Variants in ADAMTS17 observed in about 807,000 individuals in gnomAD.
The protein encoded by ADAMTS17 is ADAM metallopeptidase with thrombospondin type 1 motif 17, also known as A disintegrin and metalloproteinase with thrombospondin motifs 17.
Under a neutral mutation model 141.5 loss-of-function variants are expected in ADAMTS17, and 113 were observed. The ratio of observed to expected loss-of-function variants is 0.80; its 90% CI spans 0.69 to 0.93. ADAMTS17 has a LOEUF of 0.93. Among genes scored for constraint, ADAMTS17 ranks in the 40% least tolerant of loss-of-function variants. The pLI, the probability that ADAMTS17 is intolerant of heterozygous loss-of-function variation, is 0.00. For missense variants in ADAMTS17, 1,659 were observed against 1,517.9 expected (o/e 1.09, Z -1.54); for synonymous variants, 768 against 630.6 (o/e 1.22, Z -3.27).
chr15:99,978,162 C>T (rs1030235968), intron 20 of ADAMTS17, among the ~76,000 whole-genome samples: 12 of 152,184 alleles, frequency 7.9e-5, no homozygotes, highest in East Asian at 5.8e-4. Context: ...GGGGGTCATG[C>T]GGAGTCTCCA....
At chr15:100,082,588 A>G (rs908046424) in intron 15 of ADAMTS17, among the ~76,000 whole-genome samples, 4 of 151,826 alleles carry the variant, frequency 2.6e-5, no homozygotes, top group South Asian at 2.1e-4. Flanking sequence ...GGGTTTCGCC[A>G]TGTTGCTCAG....
At chr15:100,194,601 G>T (rs959381028) in intron 8 of ADAMTS17, among the ~76,000 whole-genome samples, 1 of 152,072 alleles carries the variant, frequency 6.6e-6, no homozygotes, top group African/African-American at 2.4e-5. Flanking sequence ...CATCATCAGG[G>T]GTCAGTCCTT....
intron 14 of ADAMTS17, among the ~76,000 whole-genome samples, chr15:100,107,915 C>T (rs985247426): frequency 2.0e-5 from 3 of 152,150 alleles, no homozygotes; most frequent in Non-Finnish European, 1.5e-5. Context: ...CCCAGCTTGA[C>T]CCGAGTCACC....
At chr15:100,260,165 G>A (rs1205986342) in intron 6 of ADAMTS17, among the ~76,000 whole-genome samples, 4 of 152,144 alleles carry the variant, frequency 2.6e-5, no homozygotes, top group Non-Finnish European at 5.9e-5. Flanking sequence ...TTTTTGAAAG[G>A]AACGAAAGCT....
At chr15:100,150,655 C>G (rs747775374) in intron 10 of ADAMTS17, among the ~76,000 whole-genome samples, 1 of 152,146 alleles carries the variant, frequency 6.6e-6, no homozygotes, top group Non-Finnish European at 1.5e-5. Context: ...TCTCATGGAG[C>G]AGGCAGTCTC....
chr15:100,334,317 T>C (rs2046142588), intron 2 of ADAMTS17, among the ~76,000 whole-genome samples: 2 of 152,186 alleles, frequency 1.3e-5, no homozygotes, highest in Admixed American at 1.3e-4. Flanking sequence ...CATGCCTCTG[T>C]GGGAGGGGAC....
In ADAMTS17 at chr15:100,194,689, CTT is replaced by C; in HGVS notation, c.1181+4627_1181+4628del. On this transcript the variant is annotated intron_variant, in intron 8 of 21. Transcript: ENST00000268070. ...CAAATGCTTACTTCTGGATTTTCCT[CTT>C]TCTCTTTAAAACCAAATTGTGATCG... 2.0e-5 allele frequency among the ~76,000 whole-genome samples: 3 copies of C among 152,278 alleles called. No individual in the cohort carries two copies. In the South Asian group the frequency reaches 6.2e-4, roughly 32 times the overall value.
intron 13 of ADAMTS17, among the ~76,000 whole-genome samples, chr15:100,110,547 A>G (rs1198384414): frequency 3.3e-5 from 5 of 152,006 alleles, no homozygotes; most frequent in African/African-American, 1.2e-4. Context: ...TATAGAAGTG[A>G]GCCACCGCGC....
At chr15:100,066,086 T>C (rs1295690438) in intron 15 of ADAMTS17, among the ~76,000 whole-genome samples, 2 of 152,204 alleles carry the variant, frequency 1.3e-5, no homozygotes, top group East Asian at 3.8e-4. Context: ...TAGTATTCCA[T>C]GGTGTACATG....
chr15:100,239,404 G>A (rs1596339428), intron 7 of ADAMTS17, among the ~76,000 whole-genome samples: 1 of 152,184 alleles, frequency 6.6e-6, no homozygotes, highest in Admixed American at 6.5e-5. Context: ...ACTGGTGCAG[G>A]GATACCGCAG....
intron 4 of ADAMTS17, 28 bp downstream of exon 4, chr15:100,281,201 C>A (rs1025760757): frequency 2.5e-6 from 4 of 1,600,620 alleles, no homozygotes; most frequent in Admixed American, 1.7e-5. Flanking sequence ...CAGAGCCCCC[C>A]ACATCAGGAC....
At chr15:99,980,546 AGATG>A (rs1160008835) in intron 20 of ADAMTS17, 1 of 152,244 alleles carries the variant, frequency 6.6e-6, no homozygotes, top group Non-Finnish European at 1.5e-5. Context: ...GAAACTGCAC[AGATG>A]GATGGAGGAA....
intron 8 of ADAMTS17, among the ~76,000 whole-genome samples, chr15:100,183,928 G>C (rs1179786893): frequency 6.6e-6 from 1 of 152,212 alleles, no homozygotes; most frequent in Non-Finnish European, 1.5e-5. Context: ...CTGTGGGGGT[G>C]AAAGGCACTT....
intron 15 of ADAMTS17, among the ~76,000 whole-genome samples, chr15:100,068,945 G>A (rs112374852): frequency 5.3e-5 from 8 of 152,138 alleles, no homozygotes; most frequent in East Asian, 3.9e-4. Context: ...AAACTACTCC[G>A]AGCTAAAGGA....
intron 3 of ADAMTS17, among the ~76,000 whole-genome samples, chr15:100,305,205 A>G (rs1363300588): frequency 6.6e-6 from 1 of 152,126 alleles, no homozygotes; most frequent in East Asian, 1.9e-4. Context: ...AAAACACCTT[A>G]TAAAGCTTAT....
At chr15:100,112,971 T>G (rs2036883446) in intron 13 of ADAMTS17, among the ~76,000 whole-genome samples, 1 of 152,088 alleles carries the variant, frequency 6.6e-6, no homozygotes, top group Non-Finnish European at 1.5e-5. Flanking sequence ...AGTTAGAAGG[T>G]CTTAGTATGG....
chr15:100,054,189 C>A, intron 15 of ADAMTS17, 135 bp from the exon 16 acceptor site: 1 of 955,580 alleles, frequency 1.0e-6, no homozygotes, highest in Middle Eastern at 2.7e-4. Context: ...AGGCCTGAAG[C>A]GAGAGAAGGC....
intron 15 of ADAMTS17, among the ~76,000 whole-genome samples, chr15:100,088,037 G>A (rs1345409105): frequency 6.6e-6 from 1 of 152,196 alleles, no homozygotes; most frequent in East Asian, 1.9e-4. Context: ...TAGGAAAAGA[G>A]GAAGTCAAAT....
intron 10 of ADAMTS17, among the ~76,000 whole-genome samples, chr15:100,147,549 C>T (rs1358663585): frequency 6.6e-6 from 1 of 152,108 alleles, no homozygotes; most frequent in African/African-American, 2.4e-5. Flanking sequence ...TGTATCTAAA[C>T]ATCGAAAAGG....
Sources: gnomAD v4.1 joint callset for allele counts (sites outside exome capture counted in the v4.1 genomes callset) on GRCh38, gnomAD v4.1.1 for gene constraint, MANE v1.5 for transcripts, NCBI Gene and HGNC (gene_info 2026-07-23, HGNC 2026-07-21) for gene names.